FRK: variants seen among roughly 807,000 people sequenced by gnomAD.
The protein encoded by FRK is fyn related Src family tyrosine kinase.
Under a neutral mutation model 56.4 loss-of-function variants are expected in FRK, and 51 were observed. That is an observed-to-expected ratio of 0.90 (90% CI 0.72 to 1.14). FRK has a LOEUF of 1.14. Among genes scored for constraint, FRK ranks in the 50% most tolerant of loss-of-function variants. The probability of loss-of-function intolerance (pLI) is 0.00; values close to 1 mark genes in which losing one functional copy is unlikely to be tolerated. For missense variants in FRK, 570 were observed against 601.4 expected (o/e 0.95, Z 0.55); for synonymous variants, 245 against 217.9 (o/e 1.12, Z -1.10).
chr6:116,056,083 C>T (rs1343091205), intron 1 of FRK, among the ~76,000 whole-genome samples: 3 of 152,138 alleles, frequency 2.0e-5, no homozygotes, highest in Non-Finnish European at 2.9e-5. Context: ...TCCTACCAAT[C>T]CCCTTTCTGG....
intron 5 of FRK, among the ~76,000 whole-genome samples, chr6:115,949,146 C>T (rs1772596538): frequency 6.6e-6 from 1 of 152,146 alleles, no homozygotes; most frequent in Admixed American, 6.5e-5. Context: ...TATCCTGAAA[C>T]TTTGCTGAAG....
rs533085977 is a variant in FRK, at chr6:116,024,743, T to C, written c.345-20745A>G. 4.3e-3 allele frequency among the ~76,000 whole-genome samples: 649 copies of C among 152,316 alleles called. 7 individuals carry two copies. The Middle Eastern group carries it at 0.044, about 10-fold the overall frequency. On this transcript the variant is annotated intron_variant, in intron 1 of 7. Transcript: ENST00000606080. ...ATAAACATACGTGTGCATGTGTCTT[T>C]ATAGCAGCATGATTTATAGTCCTTT...
chr6:115,974,481 A>G (rs1312890777), intron 2 of FRK, among the ~76,000 whole-genome samples: 2 of 152,198 alleles, frequency 1.3e-5, no homozygotes, highest in Non-Finnish European at 2.9e-5. Flanking sequence ...AAGCACAAAG[A>G]GAGGTATTTT....
the FRK span, among the ~76,000 whole-genome samples, chr6:116,088,114 G>A: frequency 2.4e-4 from 36 of 152,242 alleles, 1 homozygote; most frequent in South Asian, 2.7e-3. Flanking sequence ...TTGAACCACC[G>A]TTGCCTACAA....
At chr6:116,012,277 C>A (rs182059649) in intron 1 of FRK, among the ~76,000 whole-genome samples, 20 of 152,232 alleles carry the variant, frequency 1.3e-4, no homozygotes, top group Admixed American at 5.9e-4. Context: ...GGAGTAAAAC[C>A]TCTATTAACC....
At chr6:115,961,311 T>G (rs889022441) in intron 4 of FRK, among the ~76,000 whole-genome samples, 2 of 109,460 alleles carry the variant, frequency 1.8e-5, no homozygotes, top group African/African-American at 7.2e-5. Flanking sequence ...GAAGATGAAA[T>G]GAATGAAATG....
In FRK at chr6:115,942,490, T is replaced by A. The variant is rs150528750; in HGVS notation, c.1442A>T (p.Glu481Val). ...NAEPKERPTF[E>V]TLRWKLEDYF... ...GTCTTCAAGTTTCCAACGCAGTGTC[T>A]CAAATGTAGGTCGTTCCTTAGGCTC... is the stretch of plus-strand genomic sequence containing the variant. Residue 481 changes from glutamate to valine, a missense_variant, in exon 8 of 8, where the codon GAG becomes GTG. Coordinates refer to ENST00000606080, the MANE Select transcript of FRK (RefSeq NM_002031.3). 3.7e-6 allele frequency: 6 copies of A among 1,613,812 alleles called. No homozygotes were observed. The East Asian group carries it at 1.3e-4, about 36-fold the overall frequency.
chr6:115,989,891 T>A (rs1774530967), intron 2 of FRK, among the ~76,000 whole-genome samples: 1 of 151,976 alleles, frequency 6.6e-6, no homozygotes, highest in African/African-American at 2.4e-5. Context: ...TATACTAATT[T>A]ACATTCCCAC....
chr6:115,956,462 T>C lies in FRK; in HGVS notation c.948A>G (p.Glu316=). The C allele has an allele frequency of 6.5e-7, 1 of 1,536,356 alleles. No homozygotes were observed. The highest frequency in any genetic ancestry group is 8.8e-7 in the Non-Finnish European group (1 of 1,141,114). ...AAGTCTTTAGCTTACTTTGGAGATA[T>C]TCTTGCAGACTTCCATGTCTCATCA... is the stretch of plus-strand genomic sequence containing the variant. ...TELMRHGSLQ[E]YLQNDTGSKI... Residue 316 remains glutamate, a synonymous_variant, in exon 5 of 8, where the codon GAA becomes GAG. Coordinates refer to ENST00000606080, the MANE Select transcript of FRK (RefSeq NM_002031.3).
intron 1 of FRK, among the ~76,000 whole-genome samples, chr6:116,030,072 C>T (rs1776244421): frequency 6.6e-6 from 1 of 152,076 alleles, no homozygotes; most frequent in Non-Finnish European, 1.5e-5. Context: ...CCACAGACCC[C>T]TCGGAAGAAG....
intron 1 of FRK, among the ~76,000 whole-genome samples, chr6:116,054,443 AT>A (rs1290561746): frequency 6.9e-6 from 1 of 144,878 alleles, no homozygotes; most frequent in African/African-American, 2.5e-5. Context: ...ATTATATATT[AT>A]TTATACTATA....
intron 1 of FRK, among the ~76,000 whole-genome samples, chr6:116,052,443 T>C (rs1195841104): frequency 6.6e-6 from 1 of 152,198 alleles, no homozygotes; most frequent in Non-Finnish European, 1.5e-5. Flanking sequence ...TTCATTTAGT[T>C]ATTCATCTAC....
intron 5 of FRK, among the ~76,000 whole-genome samples, chr6:115,946,413 C>T (rs1306626918): frequency 6.6e-6 from 1 of 152,094 alleles, no homozygotes; most frequent in Non-Finnish European, 1.5e-5. Flanking sequence ...TGAATTAATT[C>T]ATGTAAAGCA....
the FRK span, among the ~76,000 whole-genome samples, chr6:116,085,094 G>A: frequency 2.0e-5 from 3 of 152,048 alleles, no homozygotes; most frequent in Non-Finnish European, 4.4e-5. Context: ...AGGTTGTGTG[G>A]GTGACAAGAA....
intron 2 of FRK, among the ~76,000 whole-genome samples, chr6:115,985,405 T>C (rs1182660531): frequency 1.3e-5 from 2 of 152,176 alleles, no homozygotes; most frequent in Admixed American, 1.3e-4. Context: ...TTTAAATATT[T>C]AAATGCTACA....
the FRK span, among the ~76,000 whole-genome samples, chr6:116,097,469 A>T: frequency 6.6e-6 from 1 of 152,208 alleles, no homozygotes; most frequent in East Asian, 1.9e-4. Context: ...CTCCTTCCCA[A>T]AAATGTATGG....
intron 1 of FRK, among the ~76,000 whole-genome samples, chr6:116,006,766 T>C (rs541500305): frequency 6.6e-6 from 1 of 152,290 alleles, no homozygotes; most frequent in African/African-American, 2.4e-5. Flanking sequence ...AAGGCTGTAG[T>C]GCACTATGAT....
rs114342575 is a variant in FRK, at chr6:116,053,121, C to T, written c.344+6847G>A. Among the ~76,000 whole-genome samples the T allele has an allele frequency of 7.8e-3, 1,190 of 152,076 alleles. 14 individuals are homozygous for T. Among genetic ancestry groups the T allele is most frequent in the African/African-American group, 0.027 (1,108 of 41,510 alleles). On this transcript the variant is annotated intron_variant, in intron 1 of 7. Coordinates refer to ENST00000606080, the MANE Select transcript of FRK (RefSeq NM_002031.3). ...CAAATTCAAATCTAGATCATCTGAG[C>T]CTATATTTTATGTTCTTAGGCATAC... is the stretch of plus-strand genomic sequence containing the variant.
the FRK span, among the ~76,000 whole-genome samples, chr6:116,100,458 A>G: frequency 2.6e-5 from 4 of 152,214 alleles, no homozygotes; most frequent in Non-Finnish European, 4.4e-5. Context: ...TGATCTTACT[A>G]TTCCTCACAC....
Sources: gnomAD v4.1 joint callset for allele counts (sites outside exome capture counted in the v4.1 genomes callset) on GRCh38, gnomAD v4.1.1 for gene constraint, MANE v1.5 for transcripts, NCBI Gene and HGNC (gene_info 2026-07-23, HGNC 2026-07-21) for gene names.